The following SYNGR2 variants were observed in gnomAD, a reference collection of about 807,000 sequenced individuals.
The protein encoded by SYNGR2 is synaptogyrin 2, also known as synaptogyrin-2.
SYNGR2 carries 11 observed loss-of-function variants against 18.7 expected under a neutral mutation model. The observed-to-expected ratio is 0.59, with a 90% CI of 0.37 to 0.97. SYNGR2 has a LOEUF of 0.97. Ranked by LOEUF, SYNGR2 falls within the 50% of genes least tolerant of loss-of-function variation. The pLI is 0.01. For synonymous variants in SYNGR2, 127 were observed against 131.0 expected (o/e 0.97, Z 0.21); for missense variants, 253 against 300.7 (o/e 0.84, Z 1.17).
In SYNGR2 at chr17:78,170,809, C is replaced by T. The variant is rs2075651925; in HGVS notation, c.100-8C>T. 2 of 1,604,164 alleles carry T rather than the reference C, an allele frequency of 1.2e-6. No homozygotes were observed. The highest frequency in any genetic ancestry group is 1.7e-6 in the Non-Finnish European group (2 of 1,175,868). Reference sequence around the variant, plus strand: ...CACCAGCCCTACCAGGTCCTCCCCTCCCGGCAGGTCTTCGCCTTGATCGTG... The same window carrying T: ...CACCAGCCCTACCAGGTCCTCCCCTTCCGGCAGGTCTTCGCCTTGATCGTG... On this transcript the variant is annotated splice_region_variant and splice_polypyrimidine_tract_variant and intron_variant, in intron 1 of 3. Transcript: ENST00000225777.
Position 78,172,152 on chromosome 17 carries a change from G to A in SYNGR2, c.*216G>A. 1 of 1,172,624 alleles carries A rather than the reference G, an allele frequency of 8.5e-7. No individual in the cohort carries two copies. The highest frequency in any genetic ancestry group is 1.2e-6 in the Non-Finnish European group (1 of 860,850). 72.6% of individuals were successfully genotyped at this position (1,172,624 alleles called of 1,614,324 possible). A position where few individuals can be genotyped will look rare whatever the true frequency, so the allele number is the denominator to read the frequency against. ...CTTCAGTCAGCCGCTCACTCCTCCAGGGCACTTTTAGGAAAGGGTTTTTAG... is the reference window on the plus strand; with the variant it reads ...CTTCAGTCAGCCGCTCACTCCTCCAAGGCACTTTTAGGAAAGGGTTTTTAG... On this transcript the variant is annotated 3_prime_UTR_variant, in exon 4 of 4. Transcript: ENST00000225777.
chr17:78,168,930 C>T (rs914240637), intron 1 of SYNGR2, among the ~76,000 whole-genome samples: 1 of 152,034 alleles, frequency 6.6e-6, no homozygotes, highest in African/African-American at 2.4e-5. Flanking sequence ...CCGCCACCCA[C>T]CCCACCCCCA....
Position 78,170,948 on chromosome 17 carries a change from G to A in SYNGR2, c.231G>A (p.Leu77=). 3 of 1,613,324 alleles carry A rather than the reference G, an allele frequency of 1.9e-6. No homozygotes were observed. The highest frequency in any genetic ancestry group is 2.5e-6 in the Non-Finnish European group (3 of 1,180,038). Residue 77 remains leucine, a synonymous_variant, in exon 2 of 4, where the codon CTG becomes CTA. Transcript: ENST00000225777. ...GCTATGGCAGTGCCATCGGGGTGCT[G>A]GCCTTCCTGGCCTCGGCCTTCTTCT... ...ACRYGSAIGV[L]AFLASAFFLV...
At chr17:78,169,286 G>C (rs2075642663) in intron 1 of SYNGR2, 1 of 132,176 alleles carries the variant, frequency 7.6e-6, no homozygotes. Context: ...CGGGGAGGGG[G>C]CCTGTTCTTG....
chr17:78,170,151 G>C (rs963305697), intron 1 of SYNGR2: 3 of 152,570 alleles, frequency 2.0e-5, no homozygotes, highest in African/African-American at 7.2e-5. Flanking sequence ...TTCAAGGTGA[G>C]GTTGGGCTGG....
In SYNGR2 at chr17:78,171,090, G is replaced by T; in HGVS notation, c.337+36G>T. ...GTGGCACCTCCATTTGATCTTGGGG[G>T]AGGCATTAACTCTAGGGTTCCGCAG... On this transcript the variant is annotated intron_variant, in intron 2 of 3. Transcript: ENST00000225777. The surrounding 1 kb of genome is among the most constrained non-coding windows in gnomAD (Gnocchi z 6.6). 1 of 1,599,742 alleles carries T rather than the reference G, an allele frequency of 6.3e-7. No homozygotes were observed.
chr17:78,169,446 T>C (rs1277774398), intron 1 of SYNGR2, among the ~76,000 whole-genome samples: 1 of 152,116 alleles, frequency 6.6e-6, no homozygotes, highest in African/African-American at 2.4e-5. Flanking sequence ...TCTGATCGCC[T>C]CTGTCCTGGG....
intron 1 of SYNGR2, chr17:78,169,303 C>T (rs1360427973): frequency 1.4e-5 from 2 of 147,480 alleles, no homozygotes; most frequent in Non-Finnish European, 3.0e-5. Flanking sequence ...CTTGGACAGC[C>T]AGCCCTGAAA....
intron 1 of SYNGR2, among the ~76,000 whole-genome samples, chr17:78,168,943 C>G (rs1018865540): frequency 1.3e-5 from 2 of 152,088 alleles, no homozygotes; most frequent in Non-Finnish European, 2.9e-5. Flanking sequence ...CACCCCCAGC[C>G]TCGCGCCCCG....
At position 78,171,960 on chromosome 17, in the gene SYNGR2, G is replaced by T; in HGVS notation, c.*24G>T. On this transcript the variant is annotated 3_prime_UTR_variant, in exon 4 of 4. Transcript: ENST00000225777. This position sits in a 1 kb window ranked among gnomAD's most constrained non-coding sequence, Gnocchi z 6.6. Reference sequence around the variant, plus strand: ...GAGCGGCGGTTAGCGTGGGAAGGGGGACAGAGAGGGCCCTCCCCTCTGCCC... The same window carrying T: ...GAGCGGCGGTTAGCGTGGGAAGGGGTACAGAGAGGGCCCTCCCCTCTGCCC... 1 of 1,610,088 alleles carries T rather than the reference G, an allele frequency of 6.2e-7. No individual in the cohort carries two copies.
intron 1 of SYNGR2, 109 bp from the exon 2 acceptor site, chr17:78,170,708 G>A: frequency 1.1e-6 from 1 of 927,416 alleles, no homozygotes; most frequent in Non-Finnish European, 1.7e-6. Flanking sequence ...AAACCCAAAA[G>A]GGGACAGCAG....
rs1410988776 is a variant in SYNGR2 at position 78,170,855 on chromosome 17, G to C, written c.138G>C (p.Glu46Asp). The C allele has an allele frequency of 1.2e-6, 2 of 1,612,882 alleles. No individual in the cohort carries two copies. The highest frequency in any genetic ancestry group is 1.7e-6 in the Non-Finnish European group (2 of 1,180,000). Residue 46 changes from glutamate (E) to aspartate (D), a missense_variant, in exon 2 of 4, where the codon GAG becomes GAC. Glu to Asp is a conservative substitution (Grantham distance 45). Coordinates refer to ENST00000225777, the MANE Select transcript of SYNGR2 (RefSeq NM_004710.7). ...TCGTGTTCTCCTGCATCTATGGTGA[G>C]GGCTACAGCAATGCCCACGAGTCTA... ...ALIVFSCIYG[E>D]GYSNAHESKQ...
chr17:78,172,223 G>A lies in SYNGR2; in HGVS notation c.*287G>A. On this transcript the variant is annotated 3_prime_UTR_variant, in exon 4 of 4. Coordinates refer to ENST00000225777, the MANE Select transcript of SYNGR2 (RefSeq NM_004710.7). ...TAATGACCTCAGCCCCGCCTGCAGT[G>A]GCTAGAAGCCAGCAGGTGCCCATGT... 1.6e-6 allele frequency: 1 copy of A among 641,884 alleles called. No homozygotes were observed. The highest frequency in any genetic ancestry group is 2.3e-5 in the South Asian group (1 of 42,740). The allele number at this position is 641,884 out of a possible 1,614,324, so 39.8% of individuals were successfully genotyped here.
In SYNGR2 at chr17:78,168,702, G is replaced by C; in HGVS notation, c.86G>C (p.Arg29Pro). ...RFLTQPQVVA[R>P]AVCLVFALIV... ...CTGACGCAGCCGCAGGTGGTGGCGC[G>C]CGCCGTGTGCTTGGTGAGCCCGGGG... Residue 29 changes from arginine (R) to proline (P), a missense_variant, in exon 1 of 4, where the codon CGC becomes CCC. Transcript: ENST00000225777. The C allele has an allele frequency of 1.7e-6, 2 of 1,201,440 alleles. No individual in the cohort carries two copies. Among genetic ancestry groups the C allele is most frequent in the Non-Finnish European group, 2.1e-6 (2 of 968,302 alleles). 74.4% of individuals were successfully genotyped at this position (1,201,440 alleles called of 1,614,324 possible).
rs185632676 is a variant in SYNGR2 at position 78,171,497 on chromosome 17, C to T, written c.338-13C>T. ...CTTTCCATGGAACTGACGCTTCACC[C>T]GTCCTCCCCCAGCTCTCTGGACCTT... is the stretch of plus-strand genomic sequence containing the variant. On this transcript the variant is annotated splice_polypyrimidine_tract_variant and intron_variant, in intron 2 of 3. Transcript: ENST00000225777. This position sits in a 1 kb window ranked among gnomAD's most constrained non-coding sequence, Gnocchi z 6.6. 524 of 1,514,962 alleles carry T rather than the reference C, an allele frequency of 3.5e-4. No homozygotes were observed. The highest frequency in any genetic ancestry group is 8.6e-4 in the Admixed American group (38 of 44,132). 93.8% of individuals were successfully genotyped at this position (1,514,962 alleles called of 1,614,324 possible). A position where few individuals can be genotyped will look rare whatever the true frequency, so the allele number is the denominator to read the frequency against.
rs1399126943 is a variant in SYNGR2, at chr17:78,172,150, C to T, written c.*214C>T. 9.3e-6 allele frequency: 11 copies of T among 1,176,706 alleles called. No homozygotes were observed. In the African/African-American group the frequency reaches 1.7e-4, roughly 18 times the overall value. 72.9% of individuals were successfully genotyped at this position (1,176,706 alleles called of 1,614,324 possible). A position where few individuals can be genotyped will look rare whatever the true frequency, so the allele number is the denominator to read the frequency against. ...GGCTTCAGTCAGCCGCTCACTCCTC[C>T]AGGGCACTTTTAGGAAAGGGTTTTT... On this transcript the variant is annotated 3_prime_UTR_variant, in exon 4 of 4. Coordinates refer to ENST00000225777, the MANE Select transcript of SYNGR2 (RefSeq NM_004710.7).
Position 78,171,575 on chromosome 17 carries a change from C to T in SYNGR2, c.403C>T (p.Pro135Ser), listed in dbSNP as rs888059401. 2.6e-6 allele frequency: 4 copies of T among 1,548,396 alleles called. No homozygotes were observed. The highest frequency in any genetic ancestry group is 3.5e-6 in the Non-Finnish European group (4 of 1,145,936). ...CACCAACCAGTGGGCAGTCACCAAC[C>T]CGAAGGACGTGCTGGTGGGGGCCGA... ...FLTNQWAVTN[P>S]KDVLVGADSV... The change falls in exon 3 of 4, where the codon CCG (proline) becomes TCG (serine). Residue 135 changes from proline to serine, a missense_variant. By Grantham distance (74) the Pro-to-Ser change is moderately conservative. Coordinates refer to ENST00000225777, the MANE Select transcript of SYNGR2 (RefSeq NM_004710.7). This position sits in a 1 kb window ranked among gnomAD's most constrained non-coding sequence, Gnocchi z 6.6.
intron 1 of SYNGR2, chr17:78,169,269 T>TGGG (rs1176275117): frequency 3.0e-4 from 11 of 37,058 alleles, no homozygotes; most frequent in South Asian, 2.2e-3. Flanking sequence ...TGTGTGTGTG[T>TGGG]GTGTGGCGGG....
chr17:78,171,169 G>A lies in SYNGR2; in HGVS notation c.337+115G>A. 1 of 1,010,718 alleles carries A rather than the reference G, an allele frequency of 9.9e-7. No homozygotes were observed. The highest frequency in any genetic ancestry group is 1.5e-6 in the Non-Finnish European group (1 of 680,496). The allele number at this position is 1,010,718 out of a possible 1,614,324, so 62.6% of individuals were successfully genotyped here. On this transcript the variant is annotated intron_variant, in intron 2 of 3. Coordinates refer to ENST00000225777, the MANE Select transcript of SYNGR2 (RefSeq NM_004710.7). This position sits in a 1 kb window ranked among gnomAD's most constrained non-coding sequence, Gnocchi z 6.6. ...GGCAGGGAGCAGCTCACTCCTCCAG[G>A]GCATTTTTAGGAAAGGGTTTTCAGC...
Sources: allele counts gnomAD v4.1 joint callset (sites outside exome capture counted in the v4.1 genomes callset), GRCh38; gene constraint gnomAD v4.1.1; non-coding constraint Gnocchi (gnomAD v3.1); transcripts MANE v1.5; gene names NCBI Gene and HGNC (gene_info 2026-07-23, HGNC 2026-07-21).